The following OXR1 variants were observed in gnomAD, a reference collection of about 807,000 sequenced individuals.
The protein encoded by OXR1 is oxidation resistance 1.
OXR1 carries 41 observed loss-of-function variants against 104.6 expected under a neutral mutation model. The ratio of observed to expected loss-of-function variants is 0.39; its 90% CI spans 0.31 to 0.51. The LOEUF (loss-of-function observed/expected upper bound fraction) is 0.51, where lower values mean the gene tolerates loss of function less well. Among genes scored for constraint, OXR1 ranks in the 20% least tolerant of loss-of-function variants. The pLI is 0.77. For missense variants in OXR1, 955 were observed against 1,031.9 expected (o/e 0.93, Z 1.02); for synonymous variants, 348 against 348.4 (o/e 1.00, Z 0.01).
intron 1 of OXR1, among the ~76,000 whole-genome samples, chr8:106,343,999 T>C (rs1265084754): frequency 6.6e-6 from 1 of 152,222 alleles, no homozygotes; most frequent in African/African-American, 2.4e-5. Flanking sequence ...CCTGAGAATA[T>C]TTGTAAGCCA....
At chr8:106,469,845 G>A (rs985203282) in intron 2 of OXR1, among the ~76,000 whole-genome samples, 2 of 151,838 alleles carry the variant, frequency 1.3e-5, no homozygotes, top group Admixed American at 1.3e-4. Context: ...TAAAGAAGTT[G>A]GTCAGACAGG....
chr8:106,569,298 GAGTTGCCAAGTTCA>G (rs1159922306), intron 3 of OXR1, among the ~76,000 whole-genome samples: 7 of 152,026 alleles, frequency 4.6e-5, no homozygotes, highest in Non-Finnish European at 1.0e-4. Context: ...CTTAAAAGGA[GAGTTGCCAAGTTCA>G]AGTAATCTAC....
chr8:106,636,456 C>T (rs1333084833), intron 3 of OXR1, among the ~76,000 whole-genome samples: 1 of 151,986 alleles, frequency 6.6e-6, no homozygotes, highest in Non-Finnish European at 1.5e-5. Flanking sequence ...TATAGAAACC[C>T]GAGAATAGTT....
At chr8:106,384,826 T>G (rs903598812) in intron 2 of OXR1, among the ~76,000 whole-genome samples, 1 of 151,786 alleles carries the variant, frequency 6.6e-6, no homozygotes, top group African/African-American at 2.4e-5. Context: ...GCTATTCTCC[T>G]GCCTCAGCCT....
chr8:106,520,120 T>G (rs1231284092), intron 3 of OXR1, among the ~76,000 whole-genome samples: 2 of 152,208 alleles, frequency 1.3e-5, no homozygotes, highest in African/African-American at 2.4e-5. Context: ...TTAACCAGTG[T>G]TACATCAAAG....
At chr8:106,576,849 C>G (rs1817875820) in intron 3 of OXR1, among the ~76,000 whole-genome samples, 1 of 152,108 alleles carries the variant, frequency 6.6e-6, no homozygotes. Context: ...ACATTTCAAG[C>G]TGGTAGAATC....
At chr8:106,305,572 T>G (rs1468484582) in intron 1 of OXR1, among the ~76,000 whole-genome samples, 1 of 152,146 alleles carries the variant, frequency 6.6e-6, no homozygotes, top group Middle Eastern at 3.2e-3. Flanking sequence ...AATGATTTAT[T>G]TAGCTGTGTG....
At chr8:106,434,219 C>T (rs1389066271) in intron 2 of OXR1, among the ~76,000 whole-genome samples, 1 of 152,052 alleles carries the variant, frequency 6.6e-6, no homozygotes, top group East Asian at 1.9e-4. Context: ...TTTGTGTGAG[C>T]ATGTATAGCA....
At chr8:106,529,778 G>A (rs1165978027) in intron 3 of OXR1, among the ~76,000 whole-genome samples, 2 of 152,148 alleles carry the variant, frequency 1.3e-5, no homozygotes, top group Non-Finnish European at 2.9e-5. Flanking sequence ...TTATGTCTGA[G>A]CTACAGCCTA....
At chr8:106,442,173 A>G (rs1314485162) in intron 2 of OXR1, among the ~76,000 whole-genome samples, 1 of 152,128 alleles carries the variant, frequency 6.6e-6, no homozygotes, top group Non-Finnish European at 1.5e-5. Flanking sequence ...TGAGATAATC[A>G]TGTGATTTTG....
At chr8:106,639,723 A>T (rs1350984) in intron 3 of OXR1, among the ~76,000 whole-genome samples, 1 of 151,990 alleles carries the variant, frequency 6.6e-6, no homozygotes, top group Non-Finnish European at 1.5e-5. Context: ...TTGATAAAAT[A>T]AGATGTGGCA....
chr8:106,656,050 ATAATT>A (rs536198695), intron 3 of OXR1: 4 of 152,350 alleles, frequency 2.6e-5, no homozygotes, highest in Non-Finnish European at 5.9e-5. Flanking sequence ...TCTTAGAAAA[ATAATT>A]TAAATTATTA....
chr8:106,356,448 A>T (rs1362042594), intron 1 of OXR1, among the ~76,000 whole-genome samples: 2 of 152,178 alleles, frequency 1.3e-5, no homozygotes, highest in Non-Finnish European at 2.9e-5. Flanking sequence ...ACTAAATTGT[A>T]CCATGTACAT....
At chr8:106,526,592 G>T (rs569197575) in intron 3 of OXR1, among the ~76,000 whole-genome samples, 1 of 152,346 alleles carries the variant, frequency 6.6e-6, no homozygotes, top group South Asian at 2.1e-4. Flanking sequence ...GCCCAGGCTG[G>T]AGTGCAGTGG....
intron 3 of OXR1, among the ~76,000 whole-genome samples, chr8:106,539,537 A>G (rs969956827): frequency 6.6e-5 from 10 of 152,216 alleles, no homozygotes; most frequent in African/African-American, 2.2e-4. Flanking sequence ...CTCGGTAAAC[A>G]TATTGCTAAG....
chr8:106,710,061 C>G (rs1352500588), intron 9 of OXR1, among the ~76,000 whole-genome samples: 1 of 152,100 alleles, frequency 6.6e-6, no homozygotes, highest in African/African-American at 2.4e-5. Context: ...ACTCTATCAG[C>G]ACCTCTGGTT....
chr8:106,377,902 A>G (rs1437895120), intron 2 of OXR1, among the ~76,000 whole-genome samples: 1 of 152,216 alleles, frequency 6.6e-6, no homozygotes, highest in East Asian at 1.9e-4. Context: ...ATAACTGAAC[A>G]CAAAAATCAG....
Position 106,736,167 on chromosome 8 carries a change from C to CCG in OXR1, c.1957-1352_1957-1351insGC, listed in dbSNP as rs1554634686. On this transcript the variant is annotated intron_variant, in intron 11 of 16. Transcript: ENST00000517566. ...TGGGGAACCCAGGTTTATCTGACAC[C>CCG]CCCCCCCATCCGCCCCCAGAGCTAG... Among the ~76,000 whole-genome samples the CCG allele has an allele frequency of 1.8e-4, 8 of 44,660 alleles. No individual in the cohort carries two copies. In the Middle Eastern group the frequency reaches 0.036, roughly 199 times the overall value. 29.3% of individuals were successfully genotyped at this position (44,660 alleles called of 152,430 possible).
intron 14 of OXR1, 38 bp downstream of exon 14, chr8:106,740,533 A>G: frequency 6.5e-7 from 1 of 1,538,874 alleles, no homozygotes; most frequent in Non-Finnish European, 8.9e-7. Flanking sequence ...TTATCCTTTA[A>G]GAGCAGTAAC....
Sources: allele counts gnomAD v4.1 joint callset (sites outside exome capture counted in the v4.1 genomes callset), GRCh38; gene constraint gnomAD v4.1.1; transcripts MANE v1.5; gene names NCBI Gene and HGNC (gene_info 2026-07-23, HGNC 2026-07-21).